PCDHGA9: variants seen among roughly 807,000 people sequenced by gnomAD.
The protein encoded by PCDHGA9 is protocadherin gamma subfamily A, 9.
In PCDHGA9, 37 loss-of-function variants were observed where a neutral mutation model predicts 62.5. The ratio of observed to expected loss-of-function variants is 0.59; its 90% CI spans 0.46 to 0.78. The LOEUF is 0.78. PCDHGA9 is among the 30% of genes least tolerant of loss of function. The probability of loss-of-function intolerance (pLI) is 0.00; values close to 1 mark genes in which losing one functional copy is unlikely to be tolerated. For missense variants in PCDHGA9, 1,138 were observed against 1,166.2 expected, an observed-to-expected ratio of 0.98 and a Z score of 0.35; for synonymous variants, 459 against 484.6, an observed-to-expected ratio of 0.95 and a Z score of 0.69.
chr5:141,410,054 A>C, intron 1 of PCDHGA9: 1 of 1,613,064 alleles, frequency 6.2e-7, no homozygotes. Context: ...CGGACTCTTC[A>C]GCCTGGGGCT....
At chr5:141,480,956 C>G (rs2099528870) in intron 1 of PCDHGA9, among the ~76,000 whole-genome samples, 1 of 152,064 alleles carries the variant, frequency 6.6e-6, no homozygotes, top group South Asian at 2.1e-4. Flanking sequence ...GAGGCGGAAG[C>G]ATCAGTGAGG....
chr5:141,455,983 C>T (rs542017964), intron 1 of PCDHGA9, among the ~76,000 whole-genome samples: 23 of 151,546 alleles, frequency 1.5e-4, no homozygotes, highest in African/African-American at 5.1e-4. Context: ...CTGCAAGCTC[C>T]GCCTCTCGGG....
intron 1 of PCDHGA9, among the ~76,000 whole-genome samples, chr5:141,467,824 G>A (rs1272399938): frequency 2.0e-5 from 3 of 151,798 alleles, no homozygotes; most frequent in Non-Finnish European, 4.4e-5. Flanking sequence ...ACACCAGGCT[G>A]ATTTTTATAT....
rs756094875 is a variant in PCDHGA9 at position 141,419,594 on chromosome 5, C to T, written c.2424+14218C>T. 2.6e-5 allele frequency: 42 copies of T among 1,611,572 alleles called. No homozygotes were observed. Among genetic ancestry groups the T allele is most frequent in the Admixed American group, 3.3e-5 (2 of 59,964 alleles). ...CGGCTCCGCGCTCTTCGACACAGTG[C>T]CGCGGGCCGCGCAGCCAGGCTACCT... On this transcript the variant is annotated intron_variant, in intron 1 of 3. Transcript: ENST00000573521.
At position 141,403,597 on chromosome 5, in the gene PCDHGA9, G is replaced by T. The variant is rs772486529; in HGVS notation, c.645G>T (p.Ser215=). The change falls in exon 1 of 4, where the codon TCG becomes TCT. Residue 215 remains serine (S), a synonymous_variant. Transcript: ENST00000573521. ...ATAHHLVLTA[S]DGGEPRRSST... ...CCCACCACCTGGTCCTCACGGCCTC[G>T]GATGGCGGCGAGCCGCGTCGCTCCA... The T allele has an allele frequency of 1.3e-5, 21 of 1,613,692 alleles. No individual in the cohort carries two copies. The African/African-American group carries it at 2.5e-4, about 19-fold the overall frequency.
At chr5:141,507,798 GCCCT>G (rs2099863561) in intron 3 of PCDHGA9, among the ~76,000 whole-genome samples, 1 of 152,188 alleles carries the variant, frequency 6.6e-6, no homozygotes, top group Admixed American at 6.5e-5. Context: ...CTAAGCCTGC[GCCCT>G]GGGGAACGGA....
Position 141,509,375 on chromosome 5 carries a change from T to C in PCDHGA9, c.2573-1572T>C, listed in dbSNP as rs1450730489. Among the ~76,000 whole-genome samples, 6 of 152,168 alleles carry C rather than the reference T, an allele frequency of 3.9e-5. No homozygotes were observed. In the East Asian group the frequency reaches 1.2e-3, roughly 29 times the overall value. On this transcript the variant is annotated intron_variant, in intron 3 of 3. Coordinates refer to ENST00000573521, the MANE Select transcript of PCDHGA9 (RefSeq NM_018921.3). ...GGGCATCCCTGAGGTTTTAACTGTC[T>C]CCTAACCACAGAGGATCTCAGGGCC...
At chr5:141,475,889 T>C in intron 1 of PCDHGA9, 1 of 562,248 alleles carries the variant, frequency 1.8e-6, no homozygotes, top group Non-Finnish European at 3.1e-6. Context: ...GCTGGGACTC[T>C]GTGTGCCGCT....
In PCDHGA9 at chr5:141,489,126, T is replaced by C; in HGVS notation, c.2425-5681T>C. ...TGCAAGCAGGCAAACCTCCGAGCAG[T>C]TTTTAAGAGGCTGGAAGGAGACATA... On this transcript the variant is annotated intron_variant, in intron 1 of 3. Coordinates refer to ENST00000573521, the MANE Select transcript of PCDHGA9 (RefSeq NM_018921.3). This position sits in a 1 kb window ranked among gnomAD's most constrained non-coding sequence, Gnocchi z 4.5. 1.7e-6 allele frequency: 1 copy of C among 585,136 alleles called. No individual in the cohort carries two copies. Among genetic ancestry groups the C allele is most frequent in the South Asian group, 3.2e-5 (1 of 31,406 alleles). The allele number at this position is 585,136 out of a possible 1,614,324, so 36.2% of individuals were successfully genotyped here. A position where few individuals can be genotyped will look rare whatever the true frequency, so the allele number is the denominator to read the frequency against.
At position 141,493,026 on chromosome 5, in the gene PCDHGA9, C is replaced by G. The variant is rs73280358; in HGVS notation, c.2425-1781C>G. Reference sequence around the variant, plus strand: ...TAGGCTCTGCCAGATGCCAGGGTGCCCTTATGTGTGAGGAAACTACAATAG... The same window carrying G: ...TAGGCTCTGCCAGATGCCAGGGTGCGCTTATGTGTGAGGAAACTACAATAG... On this transcript the variant is annotated intron_variant, in intron 1 of 3. Coordinates refer to ENST00000573521, the MANE Select transcript of PCDHGA9 (RefSeq NM_018921.3). This position sits in a 1 kb window ranked among gnomAD's most constrained non-coding sequence, Gnocchi z 4.3. 0.039 allele frequency among the ~76,000 whole-genome samples: 5,923 copies of G among 152,298 alleles called. 150 individuals are homozygous for G. The highest frequency in any genetic ancestry group is 0.077 in the South Asian group (370 of 4,822).
chr5:141,468,464 TC>T (rs2099167734), intron 1 of PCDHGA9: 2 of 152,174 alleles, frequency 1.3e-5, no homozygotes, highest in Admixed American at 1.3e-4. Flanking sequence ...GCAAGTTATT[TC>T]TGAGGAGAAT....
intron 1 of PCDHGA9, chr5:141,433,358 CCTAT>C (rs3074541): frequency 0.23 from 113,181 of 502,952 alleles, 11,570 homozygotes; most frequent in Non-Finnish European, 0.24. Flanking sequence ...CTACTGTCTG[CCTAT>C]CTATCTATCT....
intron 1 of PCDHGA9, chr5:141,409,705 G>A (rs747252229): frequency 6.2e-6 from 10 of 1,613,134 alleles, no homozygotes; most frequent in Non-Finnish European, 7.6e-6. Flanking sequence ...CCCTGGCGGT[G>A]TCGTCATACG....
Position 141,403,832 on chromosome 5 carries a change from C to T in PCDHGA9, c.880C>T (p.Leu294Phe), listed in dbSNP as rs374600582. 6.2e-7 allele frequency: 1 copy of T among 1,613,684 alleles called. No homozygotes were observed. Among genetic ancestry groups the T allele is most frequent in the Non-Finnish European group, 8.5e-7 (1 of 1,179,790 alleles). ...INEKQSLLFQ[L>F]NENTGEISTA... ...TGAAAAACAATCTCTGCTATTCCAGCTTAATGAAAATACTGGGGAAATATC... is the reference window on the plus strand; with the variant it reads ...TGAAAAACAATCTCTGCTATTCCAGTTTAATGAAAATACTGGGGAAATATC... Residue 294 changes from leucine (L) to phenylalanine (F), a missense_variant, in exon 1 of 4, where the codon CTT (leucine) becomes TTT (phenylalanine). Physicochemically the swap from Leu to Phe is conservative, Grantham distance 22. Coordinates refer to ENST00000573521, the MANE Select transcript of PCDHGA9 (RefSeq NM_018921.3).
In PCDHGA9 at chr5:141,441,804, C is replaced by CAT. The variant is rs1189673284; in HGVS notation, c.2424+36428_2424+36429insAT. The CAT allele has an allele frequency of 6.5e-4, 249 of 382,482 alleles. 2 individuals are homozygous for CAT. Among genetic ancestry groups the CAT allele is most frequent in the African/African-American group, 4.8e-3 (221 of 45,888 alleles). 23.7% of individuals were successfully genotyped at this position (382,482 alleles called of 1,614,324 possible). The stretch of plus-strand genomic sequence containing the variant: ...CCTGAATGACAACGCACCGCGGGTG[C>CAT]TGTACCCCAGCTCTGGAGCGCAATG... On this transcript the variant is annotated intron_variant, in intron 1 of 3. Transcript: ENST00000573521.
chr5:141,500,277 C>T (rs1595660442), intron 2 of PCDHGA9, among the ~76,000 whole-genome samples: 1 of 151,718 alleles, frequency 6.6e-6, no homozygotes, highest in Non-Finnish European at 1.5e-5. Context: ...GGCGCAATCT[C>T]GGCTCACTGC....
rs752402965 is a variant in PCDHGA9, at chr5:141,491,400, C to G, written c.2425-3407C>G. The G allele has an allele frequency of 2.7e-5, 44 of 1,613,990 alleles. No individual in the cohort carries two copies. The highest frequency in any genetic ancestry group is 3.5e-5 in the Non-Finnish European group (41 of 1,179,996). On this transcript the variant is annotated intron_variant, in intron 1 of 3. Coordinates refer to ENST00000573521, the MANE Select transcript of PCDHGA9 (RefSeq NM_018921.3). The surrounding 1 kb of genome is among the most constrained non-coding windows in gnomAD (Gnocchi z 6.9). ...TGTCAGCGAAGTGCCTTCAGGGAAA[C>G]GCAGACGGGGACGGGGGTGGAGGGC... is the stretch of plus-strand genomic sequence containing the variant.
In PCDHGA9 at chr5:141,489,456, G is replaced by A. The variant is rs1468723020; in HGVS notation, c.2425-5351G>A. The A allele has an allele frequency of 1.2e-6, 2 of 1,614,050 alleles. No homozygotes were observed. Among genetic ancestry groups the A allele is most frequent in the Non-Finnish European group, 1.7e-6 (2 of 1,180,016 alleles). ...TGCAATTGGGCTCTGAGGAGAATGG[G>A]CGCTATTTTTCCCTGAGCTTGATGA... On this transcript the variant is annotated intron_variant, in intron 1 of 3. Transcript: ENST00000573521. This position sits in a 1 kb window ranked among gnomAD's most constrained non-coding sequence, Gnocchi z 4.5.
rs187307897 is a variant in PCDHGA9 at position 141,505,900 on chromosome 5, A to G, written c.2572+419A>G. 2.6e-4 allele frequency among the ~76,000 whole-genome samples: 39 copies of G among 152,296 alleles called. 1 individual carries two copies. In the East Asian group the frequency reaches 6.8e-3, roughly 26 times the overall value. ...TGTAGAGATTAAATGAGATGATACCACAAAGCATAGAGTTCTGGGCCTGGC... is the reference window on the plus strand; with the variant it reads ...TGTAGAGATTAAATGAGATGATACCGCAAAGCATAGAGTTCTGGGCCTGGC... On this transcript the variant is annotated intron_variant, in intron 3 of 3. Transcript: ENST00000573521.
Sources: gnomAD v4.1 joint callset for allele counts (sites outside exome capture counted in the v4.1 genomes callset) on GRCh38, gnomAD v4.1.1 for gene constraint, Gnocchi (gnomAD v3.1) non-coding constraint, MANE v1.5 for transcripts, NCBI Gene and HGNC (gene_info 2026-07-23, HGNC 2026-07-21) for gene names.